The following RAPGEF2 variants were observed in gnomAD, a reference collection of about 807,000 sequenced individuals.
The protein encoded by RAPGEF2 is PDZ domain containing guanine nucleotide exchange factor (GEF) 1.
RAPGEF2 carries 54 observed loss-of-function variants against 186.7 expected under a neutral mutation model. That is an observed-to-expected ratio of 0.29 (90% confidence interval 0.23 to 0.36). RAPGEF2 has a LOEUF of 0.36. Ranked by LOEUF, RAPGEF2 falls within the 10% of genes least tolerant of loss-of-function variation. The pLI is 1.00. For missense variants in RAPGEF2, 1,532 were observed against 2,045.0 expected (o/e 0.75, Z 4.84); for synonymous variants, 712 against 705.9 (o/e 1.01, Z -0.14).
chr4:159,152,006 A>G lies in RAPGEF2; in HGVS notation c.70-34636A>G, dbSNP rs532803425. On this transcript the variant is annotated intron_variant, in intron 1 of 29. Coordinates refer to ENST00000691494, the MANE Select transcript of RAPGEF2 (RefSeq NM_001394067.2). ...CTGAATATGGACAAGGAGAAAGTAG[A>G]AAGTAAGGTTTTGTACTATTTAAAT... 3.3e-5 allele frequency among the ~76,000 whole-genome samples: 5 copies of G among 152,276 alleles called. No homozygotes were observed. The South Asian group carries it at 8.3e-4, about 25-fold the overall frequency.
intron 20 of RAPGEF2, among the ~76,000 whole-genome samples, chr4:159,342,412 G>T (rs1261571835): frequency 1.5e-4 from 23 of 151,428 alleles, no homozygotes; most frequent in Admixed American, 1.5e-3. Flanking sequence ...AGCTTAGATT[G>T]AGGTTAGAAG....
intron 5 of RAPGEF2, among the ~76,000 whole-genome samples, chr4:159,239,995 A>G (rs1252615263): frequency 6.6e-6 from 1 of 152,204 alleles, no homozygotes; most frequent in African/African-American, 2.4e-5. Context: ...AATATTTGGT[A>G]AAGTTTTACA....
chr4:159,357,240 A>C (rs1732160343), intron 29 of RAPGEF2, among the ~76,000 whole-genome samples: 1 of 152,168 alleles, frequency 6.6e-6, no homozygotes, highest in Admixed American at 6.5e-5. Flanking sequence ...GTGTGCCAAT[A>C]GTCCTAGCTA....
intron 12 of RAPGEF2, 37 bp from the exon 13 acceptor site, chr4:159,330,297 A>ATGTGTGTGTGTGTG (rs780551230): frequency 1.6e-6 from 1 of 639,148 alleles, no homozygotes; most frequent in Non-Finnish European, 2.5e-6. Context: ...GTGTGTGTGT[A>ATGTGTGTGTGTGTG]TATATATGTA....
intron 1 of RAPGEF2, among the ~76,000 whole-genome samples, chr4:159,184,829 C>T (rs950200403): frequency 1.2e-4 from 18 of 152,272 alleles, no homozygotes; most frequent in African/African-American, 4.3e-4. Context: ...TGCCTATGTC[C>T]TGAATGGTAT....
intron 1 of RAPGEF2, 143 bp downstream of exon 1, chr4:159,104,374 C>A: frequency 4.4e-6 from 2 of 454,070 alleles, no homozygotes; most frequent in Non-Finnish European, 8.2e-6. Flanking sequence ...CCAAAGGCAT[C>A]CCACCTCCGA....
chr4:159,104,639 CAG>C (rs1180949327), intron 1 of RAPGEF2, among the ~76,000 whole-genome samples: 1 of 152,040 alleles, frequency 6.6e-6, no homozygotes, highest in East Asian at 1.9e-4. Flanking sequence ...CTCTGAATCT[CAG>C]GGGATGGAGT....
At chr4:159,295,752 TGTGCGCGC>T (rs1335116437) in intron 7 of RAPGEF2, among the ~76,000 whole-genome samples, 106 of 111,844 alleles carry the variant, frequency 9.5e-4, no homozygotes, top group African/African-American at 1.2e-3. Context: ...TGTGTGTGTG[TGTGCGCGC>T]GCGCGCGCGC....
rs187206049 is a variant in RAPGEF2 at position 159,214,263 on chromosome 4, G to T, written c.281+3680G>T. ...GTGCTGCATAACTTTATGAGGTGCTGATTACACCCATAGTCATTGTAGGTT... is the reference window on the plus strand; with the variant it reads ...GTGCTGCATAACTTTATGAGGTGCTTATTACACCCATAGTCATTGTAGGTT... On this transcript the variant is annotated intron_variant, in intron 4 of 29. Coordinates refer to ENST00000691494, the MANE Select transcript of RAPGEF2 (RefSeq NM_001394067.2). Among the ~76,000 whole-genome samples, 344 of 152,298 alleles carry T rather than the reference G, an allele frequency of 2.3e-3. 3 individuals carry two copies. Among genetic ancestry groups the T allele is most frequent in the African/African-American group, 8.0e-3 (331 of 41,558 alleles).
chr4:159,141,591 T>C (rs189610567), intron 1 of RAPGEF2, among the ~76,000 whole-genome samples: 1,554 of 142,084 alleles, frequency 0.011, 28 homozygotes, highest in African/African-American at 0.035. Context: ...TGTATATATA[T>C]ATATTTATAT....
chr4:159,107,404 CTTG>C (rs1340080242), intron 1 of RAPGEF2, among the ~76,000 whole-genome samples: 2 of 152,088 alleles, frequency 1.3e-5, no homozygotes, highest in African/African-American at 2.4e-5. Context: ...ATTTTGTTAA[CTTG>C]TTGAGTTCAG....
At chr4:159,288,077 T>G (rs149864817) in intron 7 of RAPGEF2, among the ~76,000 whole-genome samples, 16 of 152,354 alleles carry the variant, frequency 1.1e-4, no homozygotes, top group Non-Finnish European at 1.6e-4. Flanking sequence ...ACTAAGAATT[T>G]AAAATTATTT....
At chr4:159,245,129 A>G (rs952148390) in intron 7 of RAPGEF2, among the ~76,000 whole-genome samples, 3 of 152,060 alleles carry the variant, frequency 2.0e-5, no homozygotes, top group African/African-American at 4.8e-5. Context: ...GTTATGATGT[A>G]TACTTTAATG....
chr4:159,243,706 T>G (rs1754279192), intron 6 of RAPGEF2, 68 bp from the exon 7 acceptor site: 2 of 1,049,474 alleles, frequency 1.9e-6, no homozygotes, highest in Non-Finnish European at 2.6e-6. Context: ...AGATGTAATA[T>G]AGCATGTCTG....
chr4:159,203,448 G>A (rs1454643118), intron 3 of RAPGEF2, among the ~76,000 whole-genome samples: 3 of 152,144 alleles, frequency 2.0e-5, no homozygotes, highest in African/African-American at 4.8e-5. Flanking sequence ...TGGCACCTGC[G>A]TCACGTGAGC....
At chr4:159,331,854 T>C in intron 15 of RAPGEF2, 21 bp downstream of exon 15, 1 of 1,607,674 alleles carries the variant, frequency 6.2e-7, no homozygotes, top group Non-Finnish European at 8.5e-7. Context: ...TCTAAACTCA[T>C]TTAAGGGTGA....
chr4:159,108,345 C>T (rs536571032), intron 1 of RAPGEF2, among the ~76,000 whole-genome samples: 1 of 149,884 alleles, frequency 6.7e-6, no homozygotes, highest in Non-Finnish European at 1.5e-5. Context: ...TTAATGCAGT[C>T]GCAGTCATTC....
chr4:159,279,639 A>C (rs980317021), intron 7 of RAPGEF2, among the ~76,000 whole-genome samples: 13 of 152,028 alleles, frequency 8.6e-5, no homozygotes, highest in Admixed American at 7.9e-4. Flanking sequence ...GTTTTGAAGA[A>C]CTACTCTTTA....
chr4:159,308,778 T>A (rs1203930024), intron 8 of RAPGEF2, among the ~76,000 whole-genome samples: 2 of 152,202 alleles, frequency 1.3e-5, no homozygotes, highest in Non-Finnish European at 2.9e-5. Context: ...TCTTCTGTTT[T>A]AACAGGAACA....
Sources: allele counts gnomAD v4.1 joint callset (sites outside exome capture counted in the v4.1 genomes callset), GRCh38; gene constraint gnomAD v4.1.1; transcripts MANE v1.5; gene names NCBI Gene and HGNC (gene_info 2026-07-23, HGNC 2026-07-21).